The following OTOGL variants were observed in gnomAD, a reference collection of about 807,000 sequenced individuals.
OTOGL encodes otogelin like.
In OTOGL, 285 loss-of-function variants were observed where a neutral mutation model predicts 318.5. The ratio of observed to expected loss-of-function variants is 0.89; its 90% CI spans 0.81 to 0.99. OTOGL has a LOEUF of 0.99. Among genes scored for constraint, OTOGL ranks in the 50% least tolerant of loss-of-function variants. The pLI is 0.00. For synonymous variants in OTOGL, 987 were observed against 936.5 expected (o/e 1.05, Z -0.99); for missense variants, 2,899 against 2,845.6 (o/e 1.02, Z -0.43).
intron 1 of OTOGL, among the ~76,000 whole-genome samples, chr12:80,148,538 T>C (rs1172409458): frequency 1.3e-5 from 2 of 150,776 alleles, no homozygotes; most frequent in South Asian, 2.1e-4. Flanking sequence ...TGTCTTGGAG[T>C]TGCTCTTCTC....
At chr12:80,328,615 T>TG in intron 35 of OTOGL, 50 bp from the exon 36 acceptor site, 1 of 1,362,636 alleles carries the variant, frequency 7.3e-7, no homozygotes, top group Middle Eastern at 1.8e-4. Context: ...CTTTTTTTTT[T>TG]GTATTTCAAA....
intron 11 of OTOGL, among the ~76,000 whole-genome samples, chr12:80,249,964 A>G (rs1243828440): frequency 2.6e-5 from 4 of 152,166 alleles, no homozygotes; most frequent in East Asian, 3.9e-4. Context: ...TGACTCGGAA[A>G]GGGAACTCCC....
At chr12:80,117,337 T>C (rs1019234765) in intron 1 of OTOGL, among the ~76,000 whole-genome samples, 1 of 152,222 alleles carries the variant, frequency 6.6e-6, no homozygotes, top group African/African-American at 2.4e-5. Context: ...TCATTAATTA[T>C]TTTTCCATTA....
chr12:80,239,676 G>A (rs1267495964), intron 11 of OTOGL, among the ~76,000 whole-genome samples: 2 of 152,024 alleles, frequency 1.3e-5, no homozygotes, highest in Non-Finnish European at 2.9e-5. Context: ...ATACATTCGT[G>A]TAATCAAATA....
intron 1 of OTOGL, among the ~76,000 whole-genome samples, chr12:80,178,061 C>CTTTTTTTTTTTTT (rs71094968): frequency 2.4e-4 from 18 of 74,922 alleles, no homozygotes; most frequent in Admixed American, 3.4e-4. Flanking sequence ...TTCTTTCTTT[C>CTTTTTTTTTTTTT]TTTTTTTTTT....
intron 27 of OTOGL, among the ~76,000 whole-genome samples, chr12:80,301,303 A>G (rs1376109858): frequency 2.0e-5 from 3 of 152,292 alleles, no homozygotes; most frequent in South Asian, 2.1e-4. Flanking sequence ...AGAATATTGT[A>G]TATTCCTACT....
intron 6 of OTOGL, among the ~76,000 whole-genome samples, chr12:80,221,727 G>C (rs1417214018): frequency 6.6e-6 from 1 of 152,046 alleles, no homozygotes. Flanking sequence ...CTAATCTTTA[G>C]GACACTCAGT....
intron 26 of OTOGL, among the ~76,000 whole-genome samples, chr12:80,291,963 TTTTTCTTTTTCTTTTC>T (rs1885070609): frequency 2.0e-5 from 3 of 152,112 alleles, no homozygotes; most frequent in African/African-American, 4.8e-5. Flanking sequence ...TCTTTTCTTT[TTTTTCTTTTTCTTTTC>T]TTTTCTTTTT....
chr12:80,331,263 T>C (rs2137888297), intron 37 of OTOGL, among the ~76,000 whole-genome samples: 1 of 152,090 alleles, frequency 6.6e-6, no homozygotes, highest in South Asian at 2.1e-4. Flanking sequence ...ACCCAGATAA[T>C]GTTTATAAGC....
At chr12:80,366,151 A>G (rs922340700) in intron 52 of OTOGL, 9 of 205,218 alleles carry the variant, frequency 4.4e-5, no homozygotes, top group East Asian at 4.3e-4. Flanking sequence ...AATGTGCCCT[A>G]AATCAAAAAG....
intron 1 of OTOGL, among the ~76,000 whole-genome samples, chr12:80,110,257 TGG>T (rs370586914): frequency 4.6e-4 from 70 of 152,130 alleles, no homozygotes; most frequent in African/African-American, 1.6e-3. Flanking sequence ...TTAGTCGAGA[TGG>T]GGTTTCACCG....
chr12:80,112,705 CTTTCTTT>C (rs1033762510), intron 1 of OTOGL, among the ~76,000 whole-genome samples: 17 of 128,672 alleles, frequency 1.3e-4, no homozygotes, highest in African/African-American at 2.8e-4. Context: ...CTGAAATTTT[CTTTCTTT>C]TTTTTTTTTT....
In OTOGL at chr12:80,266,460, G is replaced by A; in HGVS notation, c.2234G>A (p.Cys745Tyr). 6.2e-7 allele frequency: 1 copy of A among 1,613,414 alleles called. No homozygotes were observed. The change falls in exon 21 of 59, where the codon TGC becomes TAC. Residue 745 changes from cysteine to tyrosine, a missense_variant. By Grantham distance (194) the Cys-to-Tyr change is radical. This residue lies in a region of OTOGL where 2,607 missense variants were observed against 2,524.9 expected (regional missense o/e 1.03). Transcript: ENST00000547103. ...ACTTCTTTGTCCTTAGCTGTGGTGT[G>A]CCAGAAGGGCATGCTGTACCATCAC... ...RTQISFCAVVCQKGMLYHHCS... is the reference protein window; with the variant it reads ...RTQISFCAVVYQKGMLYHHCS...
intron 56 of OTOGL, chr12:80,370,968 C>T (rs1566022503): frequency 5.5e-6 from 1 of 181,866 alleles, no homozygotes; most frequent in Non-Finnish European, 1.1e-5. Context: ...GCAGACTTGG[C>T]CTTCCCTTTA....
rs1592704495 is a variant in OTOGL at position 80,320,715 on chromosome 12, A to G, written c.4081+15A>G. 2 of 1,566,302 alleles carry G rather than the reference A, an allele frequency of 1.3e-6. No homozygotes were observed. The highest frequency in any genetic ancestry group is 1.9e-5 in the Admixed American group (1 of 52,104). ...CAGCATAGAAGGTATGTTTCCTGAGATCTCCAAAAAGAGAACAAATAGGTA... is the reference window on the plus strand; with the variant it reads ...CAGCATAGAAGGTATGTTTCCTGAGGTCTCCAAAAAGAGAACAAATAGGTA... On this transcript the variant is annotated intron_variant, in intron 34 of 58. Coordinates refer to ENST00000547103, the MANE Select transcript of OTOGL (RefSeq NM_001378609.3).
intron 1 of OTOGL, among the ~76,000 whole-genome samples, chr12:80,140,123 C>T (rs889308725): frequency 6.6e-6 from 1 of 152,146 alleles, no homozygotes; most frequent in African/African-American, 2.4e-5. Context: ...CTCCCCTTTA[C>T]TTTGTTCTCT....
chr12:80,269,956 A>T, intron 22 of OTOGL, 146 bp from the exon 23 acceptor site: 1 of 663,788 alleles, frequency 1.5e-6, no homozygotes, highest in Non-Finnish European at 2.5e-6. Flanking sequence ...ACCTAACCCA[A>T]CAGCTTGTAA....
intron 11 of OTOGL, among the ~76,000 whole-genome samples, chr12:80,248,316 C>A (rs1393263984): frequency 1.4e-5 from 2 of 146,730 alleles, no homozygotes; most frequent in Admixed American, 6.7e-5. Context: ...TTGTTCCTTT[C>A]CATGTTTAGT....
chr12:80,358,978 AT>A (rs1419824006), intron 52 of OTOGL, 78 bp downstream of exon 52: 1 of 1,202,594 alleles, frequency 8.3e-7, no homozygotes, highest in Non-Finnish European at 1.1e-6. Context: ...TCATTTCTAA[AT>A]TCTTCTTAGA....
Sources: allele counts gnomAD v4.1 joint callset (sites outside exome capture counted in the v4.1 genomes callset), GRCh38; gene constraint gnomAD v4.1.1; regional missense constraint gnomAD v4.1.1; transcripts MANE v1.5; gene names NCBI Gene and HGNC (gene_info 2026-07-23, HGNC 2026-07-21).